The following CCDC178 variants were observed in gnomAD, a reference collection of about 807,000 sequenced individuals.
CCDC178 encodes the protein coiled-coil domain containing 178.
A neutral mutation model predicts 117.4 loss-of-function variants in CCDC178; 126 were observed. The observed-to-expected ratio is 1.07, with a 90% CI of 0.93 to 1.24. The LOEUF is 1.24. Among genes scored for constraint, CCDC178 ranks in the 50% most tolerant of loss-of-function variants. The probability of loss-of-function intolerance (pLI) is 0.00; values close to 1 mark genes in which losing one functional copy is unlikely to be tolerated. For synonymous variants in CCDC178, 283 were observed against 313.4 expected (o/e 0.90, Z 1.02); for missense variants, 1,030 against 986.9 (o/e 1.04, Z -0.59).
At chr18:32,951,247 C>A (rs1389111053) in intron 22 of CCDC178, among the ~76,000 whole-genome samples, 1 of 152,156 alleles carries the variant, frequency 6.6e-6, no homozygotes, top group Non-Finnish European at 1.5e-5. Context: ...AGGAGCATCC[C>A]TTTTTATTAT....
chr18:32,980,971 T>A (rs545014989), intron 21 of CCDC178, among the ~76,000 whole-genome samples: 404 of 152,236 alleles, frequency 2.7e-3, no homozygotes, highest in African/African-American at 9.1e-3. Flanking sequence ...ATAGTAAAAA[T>A]TTGGAAACAA....
intron 8 of CCDC178, 62 bp downstream of exon 8, chr18:33,348,828 T>C (rs1029406357): frequency 9.9e-7 from 1 of 1,014,532 alleles, no homozygotes; most frequent in African/African-American, 1.6e-5. Flanking sequence ...CAGAAATATA[T>C]TAAATGAAGT....
intron 14 of CCDC178, among the ~76,000 whole-genome samples, chr18:33,266,042 A>C (rs1459416868): frequency 6.6e-6 from 1 of 152,058 alleles, no homozygotes; most frequent in Non-Finnish European, 1.5e-5. Flanking sequence ...GGAAAAATTG[A>C]GAGTGGACTG....
At chr18:33,435,652 A>G (rs553754315) in intron 2 of CCDC178, among the ~76,000 whole-genome samples, 14 of 73,296 alleles carry the variant, frequency 1.9e-4, no homozygotes, top group Non-Finnish European at 4.4e-4. Context: ...GATCAAGAAG[A>G]CTACTGAAGT....
At chr18:33,163,902 C>A (rs1052906049) in intron 20 of CCDC178, among the ~76,000 whole-genome samples, 2 of 151,922 alleles carry the variant, frequency 1.3e-5, no homozygotes, top group South Asian at 2.1e-4. Flanking sequence ...AAGTTAAATG[C>A]GAAAATATAT....
At chr18:33,436,712 T>C (rs2064296520) in intron 2 of CCDC178, among the ~76,000 whole-genome samples, 1 of 152,202 alleles carries the variant, frequency 6.6e-6, no homozygotes, top group South Asian at 2.1e-4. Context: ...GAATTTATAA[T>C]TGCACCTAAT....
chr18:33,371,784 T>TATACACAC lies in CCDC178; in HGVS notation c.209-1596_209-1595insGTGTGTAT, dbSNP rs369419194. ...TTCCTCTTTAGTTCATAAACATATA[T>TATACACAC]ACACACACACACACACACACACACA... is the stretch of plus-strand genomic sequence containing the variant. On this transcript the variant is annotated intron_variant, in intron 5 of 22. Transcript: ENST00000383096. Among the ~76,000 whole-genome samples the TATACACAC allele has an allele frequency of 7.8e-3, 1,123 of 144,304 alleles. 7 individuals are homozygous for TATACACAC. Among genetic ancestry groups the TATACACAC allele is most frequent in the African/African-American group, 0.026 (1,018 of 38,968 alleles). 94.7% of individuals were successfully genotyped at this position (144,304 alleles called of 152,430 possible). A position where few individuals can be genotyped will look rare whatever the true frequency, so the allele number is the denominator to read the frequency against.
chr18:33,430,276 C>G (rs1045065526), intron 2 of CCDC178, among the ~76,000 whole-genome samples: 1 of 152,120 alleles, frequency 6.6e-6, no homozygotes, highest in Non-Finnish European at 1.5e-5. Flanking sequence ...TGTTCGTTAG[C>G]AGTAAATATT....
chr18:32,990,688 A>G (rs987708316), intron 21 of CCDC178, among the ~76,000 whole-genome samples: 12 of 152,140 alleles, frequency 7.9e-5, no homozygotes, highest in African/African-American at 2.7e-4. Flanking sequence ...TTTGAATTGT[A>G]TTTCATCAAA....
chr18:33,398,957 T>C (rs1421259154), intron 3 of CCDC178, among the ~76,000 whole-genome samples: 1 of 152,172 alleles, frequency 6.6e-6, no homozygotes, highest in Admixed American at 6.5e-5. Flanking sequence ...AAAAAGTTAA[T>C]GATTGGCCAA....
At chr18:32,977,916 T>C (rs1446857201) in intron 21 of CCDC178, among the ~76,000 whole-genome samples, 2 of 152,206 alleles carry the variant, frequency 1.3e-5, no homozygotes, top group African/African-American at 2.4e-5. Flanking sequence ...AAGCAAGTAA[T>C]GGAAAGATGA....
chr18:33,084,429 T>C (rs925748745), intron 21 of CCDC178, among the ~76,000 whole-genome samples: 4 of 152,182 alleles, frequency 2.6e-5, no homozygotes, highest in African/African-American at 9.7e-5. Context: ...CCATATTAGG[T>C]ATTTCTGGGA....
chr18:33,180,346 T>A (rs927069563), intron 20 of CCDC178, among the ~76,000 whole-genome samples: 1 of 151,958 alleles, frequency 6.6e-6, no homozygotes, highest in African/African-American at 2.4e-5. Flanking sequence ...TTTTATTAAC[T>A]GGATTACCTT....
At chr18:33,087,304 C>T (rs1028403645) in intron 21 of CCDC178, among the ~76,000 whole-genome samples, 2 of 152,088 alleles carry the variant, frequency 1.3e-5, no homozygotes, top group African/African-American at 2.4e-5. Flanking sequence ...AATAAACTCC[C>T]AGTCTTAGTA....
At chr18:33,234,389 T>C (rs1568076488) in intron 15 of CCDC178, among the ~76,000 whole-genome samples, 1 of 151,676 alleles carries the variant, frequency 6.6e-6, no homozygotes, top group Admixed American at 6.6e-5. Flanking sequence ...ATGAATGGAG[T>C]GGAAAAGAAT....
intron 21 of CCDC178, among the ~76,000 whole-genome samples, chr18:33,092,081 T>C (rs913063595): frequency 6.6e-6 from 1 of 152,110 alleles, no homozygotes; most frequent in African/African-American, 2.4e-5. Flanking sequence ...TATTAAAAAA[T>C]AATGACTGTA....
chr18:33,004,894 C>A lies in CCDC178; in HGVS notation c.2389-30213G>T, dbSNP rs2055716652. ...AACATCACTGATCATCAGAGAACTG[C>A]ACATTAAAAGTACAATGAGACATCA... On this transcript the variant is annotated intron_variant, in intron 21 of 22. Coordinates refer to ENST00000383096, the MANE Select transcript of CCDC178 (RefSeq NM_001105528.4). 2.6e-5 allele frequency among the ~76,000 whole-genome samples: 4 copies of A among 152,122 alleles called. No homozygotes were observed. The South Asian group carries it at 8.3e-4, about 32-fold the overall frequency.
chr18:33,028,450 A>G (rs571052433), intron 21 of CCDC178, among the ~76,000 whole-genome samples: 1 of 151,900 alleles, frequency 6.6e-6, no homozygotes, highest in South Asian at 2.1e-4. Flanking sequence ...ACACCATTTT[A>G]CATTCCAACC....
At chr18:33,091,847 G>A (rs569426464) in intron 21 of CCDC178, among the ~76,000 whole-genome samples, 1 of 152,038 alleles carries the variant, frequency 6.6e-6, no homozygotes, top group Admixed American at 6.6e-5. Flanking sequence ...TACTCTGTGA[G>A]GTAAATCTTA....
Sources: allele counts gnomAD v4.1 joint callset (sites outside exome capture counted in the v4.1 genomes callset), GRCh38; gene constraint gnomAD v4.1.1; transcripts MANE v1.5; gene names NCBI Gene and HGNC (gene_info 2026-07-23, HGNC 2026-07-21).